Variants in GSTA3 observed in about 807,000 individuals in gnomAD.
The protein encoded by GSTA3 is glutathione S-transferase A3.
Under a neutral mutation model 23.1 loss-of-function variants are expected in GSTA3, and 16 were observed. The observed-to-expected ratio is 0.69, with a 90% CI of 0.47 to 1.05. The LOEUF (loss-of-function observed/expected upper bound fraction) is 1.05, where lower values mean the gene tolerates loss of function less well. Ranked by LOEUF, GSTA3 falls within the 50% of genes least tolerant of loss-of-function variation. GSTA3 has a pLI of 0.00. For missense variants in GSTA3, 319 were observed against 263.6 expected (o/e 1.21, Z -1.46); for synonymous variants, 122 against 91.0 (o/e 1.34, Z -1.94).
intron 1 of GSTA3, among the ~76,000 whole-genome samples, chr6:52,906,594 G>A (rs1673954): frequency 0.19 from 28,166 of 152,008 alleles, 4,883 homozygotes; most frequent in African/African-American, 0.41. Context: ...AAAACAGCAT[G>A]GTACTGGTAC....
At chr6:52,907,064 T>C (rs1336680570) in intron 1 of GSTA3, among the ~76,000 whole-genome samples, 1 of 149,686 alleles carries the variant, frequency 6.7e-6, no homozygotes, top group Non-Finnish European at 1.5e-5. Context: ...AACCTACTTA[T>C]CTGACAAAAG....
chr6:52,903,715 A>G lies in GSTA3; in HGVS notation c.100T>C (p.Phe34Leu). The stretch of plus-strand genomic sequence containing the variant: ...CCCAAATCTTCTGCAGATCCTATAA[A>G]TTTCTCTTCAAACTGGAAGCAGAAA... The part of the protein sequence containing the change: ...AAAGVEFEEK[F>L]IGSAEDLGKL... Residue 34 changes from phenylalanine to leucine, a missense_variant, in exon 3 of 7, where the codon TTT (phenylalanine) becomes CTT (leucine). Transcript: ENST00000211122. 2.5e-6 allele frequency: 4 copies of G among 1,590,780 alleles called. No homozygotes were observed. Among genetic ancestry groups the G allele is most frequent in the Non-Finnish European group, 3.5e-6 (4 of 1,159,338 alleles).
chr6:52,908,418 G>A (rs1765968189), intron 1 of GSTA3, among the ~76,000 whole-genome samples: 2 of 152,116 alleles, frequency 1.3e-5, no homozygotes, highest in South Asian at 4.1e-4. Context: ...AGGAGGCTGA[G>A]GCAGGAAGAT....
chr6:52,904,080 A>G (rs548187445), intron 2 of GSTA3, among the ~76,000 whole-genome samples: 5 of 152,224 alleles, frequency 3.3e-5, no homozygotes, highest in Non-Finnish European at 5.9e-5. Flanking sequence ...TTGATCTACC[A>G]GGCCCAAGTG....
intron 5 of GSTA3, 141 bp downstream of exon 5, chr6:52,899,793 A>G (rs1266019060): frequency 1.1e-4 from 91 of 797,030 alleles, no homozygotes; most frequent in Non-Finnish European, 3.4e-5. Context: ...TTTTCATAAA[A>G]TGCCTTGAGA....
rs1765709920 is a variant in GSTA3 at position 52,902,206 on chromosome 6, G to A, written c.272+140C>T. ...TGTTTCCTCATCCCCATGGGACTCT[G>A]CAATACTGGACCTCAGTATACACGC... On this transcript the variant is annotated intron_variant, in intron 4 of 6. Coordinates refer to ENST00000211122, the MANE Select transcript of GSTA3 (RefSeq NM_000847.5). 3 of 944,060 alleles carry A rather than the reference G, an allele frequency of 3.2e-6. No individual in the cohort carries two copies. The East Asian group carries it at 7.2e-5, about 23-fold the overall frequency. 58.5% of individuals were successfully genotyped at this position (944,060 alleles called of 1,614,324 possible).
Position 52,902,284 on chromosome 6 carries a change from C to A in GSTA3, c.272+62G>T, listed in dbSNP as rs943302175. ...ATGCCCTGTCATGGTCTCACCCACT[C>A]AAGGAAGGACCTAAATCACTCTGTG... On this transcript the variant is annotated intron_variant, in intron 4 of 6. Coordinates refer to ENST00000211122, the MANE Select transcript of GSTA3 (RefSeq NM_000847.5). 31 of 1,602,498 alleles carry A rather than the reference C, an allele frequency of 1.9e-5. No individual in the cohort carries two copies. In the African/African-American group the frequency reaches 3.6e-4, roughly 19 times the overall value.
chr6:52,908,592 A>G (rs1210452059), intron 1 of GSTA3, among the ~76,000 whole-genome samples: 4 of 152,190 alleles, frequency 2.6e-5, no homozygotes, highest in Non-Finnish European at 5.9e-5. Context: ...AAACCCACCA[A>G]TCTGCTGTTT....
intron 2 of GSTA3, 76 bp downstream of exon 2, chr6:52,905,672 G>T: frequency 2.4e-6 from 2 of 817,412 alleles, no homozygotes; most frequent in African/African-American, 1.8e-5. Flanking sequence ...ATCTAGTATG[G>T]AAGTCTCTTG....
At chr6:52,909,117 T>C (rs188934685) in intron 1 of GSTA3, among the ~76,000 whole-genome samples, 6 of 152,318 alleles carry the variant, frequency 3.9e-5, no homozygotes, top group African/African-American at 1.4e-4. Context: ...AAGTGTAAAT[T>C]TAGATCCTGA....
chr6:52,901,696 A>G (rs191115593), intron 4 of GSTA3, among the ~76,000 whole-genome samples: 2 of 152,316 alleles, frequency 1.3e-5, no homozygotes, highest in East Asian at 3.9e-4. Context: ...TTTTTGAAGA[A>G]CTGCCAACAG....
chr6:52,902,486 A>G lies in GSTA3; in HGVS notation c.140-8T>C, dbSNP rs769072733. ...GGAACATCAAACTCCCATCTTTAGA[A>G]AGAAGGAAAAAAAAGGAACATGAAA... is the stretch of plus-strand genomic sequence containing the variant. On this transcript the variant is annotated splice_polypyrimidine_tract_variant and splice_region_variant and intron_variant, in intron 3 of 6. Transcript: ENST00000211122. 1 of 1,598,690 alleles carries G rather than the reference A, an allele frequency of 6.3e-7. No homozygotes were observed. Among genetic ancestry groups the G allele is most frequent in the East Asian group, 2.2e-5 (1 of 44,808 alleles).
intron 6 of GSTA3, among the ~76,000 whole-genome samples, chr6:52,897,378 G>C (rs1237173898): frequency 6.6e-6 from 1 of 152,248 alleles, no homozygotes; most frequent in African/African-American, 2.4e-5. Context: ...AGTGTGTTGG[G>C]TGTGCTGTGC....
chr6:52,897,996 C>CTGTT, intron 5 of GSTA3, 40 bp from the exon 6 acceptor site: 2 of 1,611,876 alleles, frequency 1.2e-6, no homozygotes, highest in Non-Finnish European at 1.7e-6. Context: ...TACATGCGCA[C>CTGTT]CCAGGATGGG....
chr6:52,909,026 G>T (rs1269372920), intron 1 of GSTA3, among the ~76,000 whole-genome samples: 1 of 152,110 alleles, frequency 6.6e-6, no homozygotes, highest in Admixed American at 6.5e-5. Flanking sequence ...GAAGAAGAAG[G>T]AAAAATAGCA....
intron 3 of GSTA3, among the ~76,000 whole-genome samples, chr6:52,903,470 G>C (rs1048467024): frequency 6.6e-6 from 1 of 150,402 alleles, no homozygotes; most frequent in South Asian, 2.1e-4. Context: ...GGTGTCTGGC[G>C]CCTGTAGTCC....
intron 5 of GSTA3, 69 bp from the exon 6 acceptor site, chr6:52,898,025 G>A: frequency 6.4e-7 from 1 of 1,573,338 alleles, no homozygotes; most frequent in Non-Finnish European, 8.7e-7. Context: ...TTCTCCCTGA[G>A]TCTTTCCAGC....
In GSTA3 at chr6:52,903,671, C is replaced by G; in HGVS notation, c.139+5G>C. On this transcript the variant is annotated splice_donor_5th_base_variant and intron_variant, in intron 3 of 6. Transcript: ENST00000211122. ...CATCAGAGGCACTTAGAGACTTGAT[C>G]TTACCATTTCTTAACTTTCCCAAAT... 8 of 1,508,886 alleles carry G rather than the reference C, an allele frequency of 5.3e-6. No individual in the cohort carries two copies. Among genetic ancestry groups the G allele is most frequent in the Non-Finnish European group, 7.4e-6 (8 of 1,085,168 alleles). The allele number at this position is 1,508,886 out of a possible 1,614,324, so 93.5% of individuals were successfully genotyped here. A position where few individuals can be genotyped will look rare whatever the true frequency, so the allele number is the denominator to read the frequency against.
Position 52,896,690 on chromosome 6 carries a change from T to C in GSTA3, c.*116A>G. On this transcript the variant is annotated 3_prime_UTR_variant, in exon 7 of 7. Transcript: ENST00000211122. ...TTTTATTATTTAATTAGCATATAATTGGAAAGGGTTCATTAGCTTTACAAC... is the reference window on the plus strand; with the variant it reads ...TTTTATTATTTAATTAGCATATAATCGGAAAGGGTTCATTAGCTTTACAAC... 1 of 1,190,282 alleles carries C rather than the reference T, an allele frequency of 8.4e-7. No individual in the cohort carries two copies. The highest frequency in any genetic ancestry group is 1.5e-5 in the African/African-American group (1 of 65,470). The allele number at this position is 1,190,282 out of a possible 1,614,324, so 73.7% of individuals were successfully genotyped here.
Sources: gnomAD v4.1 joint callset for allele counts (sites outside exome capture counted in the v4.1 genomes callset) on GRCh38, gnomAD v4.1.1 for gene constraint, MANE v1.5 for transcripts, NCBI Gene and HGNC (gene_info 2026-07-23, HGNC 2026-07-21) for gene names.